Variants in PRPF40B observed in about 807,000 individuals in gnomAD.
PRPF40B encodes the protein pre-mRNA-processing factor 40 homolog B.
In PRPF40B, 56 loss-of-function variants were observed where a neutral mutation model predicts 124.5. The ratio of observed to expected loss-of-function variants is 0.45; its 90% CI spans 0.36 to 0.56. The LOEUF (loss-of-function observed/expected upper bound fraction) is 0.56, where lower values mean the gene tolerates loss of function less well. PRPF40B is among the 20% of genes least tolerant of loss of function. The pLI is 0.00. For synonymous variants in PRPF40B, 443 were observed against 426.4 expected, an observed-to-expected ratio of 1.04 and a Z score of -0.48; for missense variants, 1,053 against 1,169.5, an observed-to-expected ratio of 0.90 and a Z score of 1.45.
rs576925446 is a variant in PRPF40B at position 49,632,019 on chromosome 12, T to C, written c.294+94T>C. The C allele has an allele frequency of 1.3e-5, 17 of 1,262,368 alleles. No homozygotes were observed. In the African/African-American group the frequency reaches 2.3e-4, roughly 17 times the overall value. The allele number at this position is 1,262,368 out of a possible 1,614,324, so 78.2% of individuals were successfully genotyped here. ...GACTATGACCTCCATTCTTTCCCTC[T>C]TCTCATCGCATCCACCCAGGTCCCC... On this transcript the variant is annotated intron_variant, in intron 4 of 25. Transcript: ENST00000548825.
intron 15 of PRPF40B, 50 bp from the exon 16 acceptor site, chr12:49,636,666 G>C (rs775846220): frequency 6.2e-7 from 1 of 1,609,986 alleles, no homozygotes; most frequent in Non-Finnish European, 8.5e-7. Flanking sequence ...TGGGGTCTGA[G>C]AGGGTATCCT....
chr12:49,643,785 T>C, intron 24 of PRPF40B, 33 bp downstream of exon 24: 1 of 1,613,640 alleles, frequency 6.2e-7, no homozygotes, highest in Non-Finnish European at 8.5e-7. Flanking sequence ...AAGCCCCTGC[T>C]ATTTTGTGAG....
rs150651073 is a variant in PRPF40B at position 49,637,818 on chromosome 12, C to T, written c.1761C>T (p.Ile587=). Residue 587 remains isoleucine, a synonymous_variant, in exon 18 of 26, where the codon ATC becomes ATT. Transcript: ENST00000548825. ...ATGAAAAGAAGATCATTAAGGACAT[C>T]CTTAAGGTGAGGGAGGCTGGGGTTA... ...FHDEKKIIKD[I]LKDRGFCVEV... 5.6e-6 allele frequency: 9 copies of T among 1,606,020 alleles called. No homozygotes were observed. Among genetic ancestry groups the T allele is most frequent in the Non-Finnish European group, 6.0e-6 (7 of 1,173,214 alleles).
intron 25 of PRPF40B, 35 bp downstream of exon 25, chr12:49,644,039 T>C: frequency 1.2e-6 from 2 of 1,614,144 alleles, no homozygotes; most frequent in Non-Finnish European, 1.7e-6. Context: ...GTCAGCACGC[T>C]GGTCAAGCTT....
chr12:49,625,078 C>T (rs974263975), intron 1 of PRPF40B, among the ~76,000 whole-genome samples: 2 of 152,110 alleles, frequency 1.3e-5, no homozygotes, highest in Non-Finnish European at 2.9e-5. Context: ...AGAGATGTGC[C>T]TCCCAGCCTT....
chr12:49,625,018 T>C (rs535589025), intron 1 of PRPF40B, among the ~76,000 whole-genome samples: 1 of 152,116 alleles, frequency 6.6e-6, no homozygotes, highest in African/African-American at 2.4e-5. Flanking sequence ...GATCACAGGG[T>C]AACCAGCTGG....
chr12:49,628,190 G>A (rs1349140593), intron 1 of PRPF40B, among the ~76,000 whole-genome samples: 1 of 152,222 alleles, frequency 6.6e-6, no homozygotes, highest in African/African-American at 2.4e-5. Context: ...TAGAAAAGAT[G>A]AGTCACATTG....
chr12:49,634,750 T>G, intron 12 of PRPF40B, 148 bp downstream of exon 12: 1 of 894,952 alleles, frequency 1.1e-6, no homozygotes, highest in African/African-American at 1.7e-5. Context: ...GAAGAAAAGC[T>G]GGAGGGCCTC....
chr12:49,631,511 T>C lies in PRPF40B; in HGVS notation c.195T>C (p.Leu65=). Residue 65 remains leucine (L), a synonymous_variant, in exon 3 of 26, where the codon CTT becomes CTC. Transcript: ENST00000548825. This position sits in a 1 kb window ranked among gnomAD's most constrained non-coding sequence, Gnocchi z 4.3. ...CACCTGGCATCCTGCCCCCAATGCT[T>C]CCACCAATGGGGGCGCCACCACCAC... The part of the protein sequence containing the change: ...PMPPGILPPM[L]PPMGAPPPLT... 1.9e-6 allele frequency: 3 copies of C among 1,548,272 alleles called. No homozygotes were observed. In the African/African-American group the frequency reaches 4.2e-5, roughly 22 times the overall value.
chr12:49,643,915 G>A lies in PRPF40B; in HGVS notation c.2497G>A (p.Glu833Lys). 2 of 1,614,202 alleles carry A rather than the reference G, an allele frequency of 1.2e-6. No individual in the cohort carries two copies. The highest frequency in any genetic ancestry group is 1.1e-5 in the South Asian group (1 of 91,076). Residue 833 changes from glutamate (E) to lysine (K), a missense_variant, in exon 25 of 26, where the codon GAG becomes AAG. Coordinates refer to ENST00000548825, the MANE Select transcript of PRPF40B (RefSeq NM_001031698.3). ...GGAGAAAGCTGGCAAGGAGAGCGAT[G>A]AGAAAGAACAAGAACAGGACAAGGA... ...PEEKAGKESD[E>K]KEQEQDKDRE...
In PRPF40B at chr12:49,631,942, A is replaced by C; in HGVS notation, c.294+17A>C. On this transcript the variant is annotated intron_variant, in intron 4 of 25. Transcript: ENST00000548825. This position sits in a 1 kb window ranked among gnomAD's most constrained non-coding sequence, Gnocchi z 4.3. ...ACCGCAGCGGTAAGCACTAGGGGCC[A>C]GCAGGTAGCAGGCTCTGCCCTGCAG... is the stretch of plus-strand genomic sequence containing the variant. The C allele has an allele frequency of 6.2e-7, 1 of 1,612,198 alleles. No homozygotes were observed. Among genetic ancestry groups the C allele is most frequent in the Non-Finnish European group, 8.5e-7 (1 of 1,178,260 alleles).
At position 49,631,933 on chromosome 12, in the gene PRPF40B, C is replaced by CT; in HGVS notation, c.294+9dup. ...GTGCCTGTCACCGCAGCGGTAAGCA[C>CT]TAGGGGCCAGCAGGTAGCAGGCTCT... is the stretch of plus-strand genomic sequence containing the variant. On this transcript the variant is annotated intron_variant, in intron 4 of 25. Transcript: ENST00000548825. The surrounding 1 kb of genome is among the most constrained non-coding windows in gnomAD (Gnocchi z 4.3). 3 of 1,613,852 alleles carry CT rather than the reference C, an allele frequency of 1.9e-6. No homozygotes were observed. The highest frequency in any genetic ancestry group is 2.5e-6 in the Non-Finnish European group (3 of 1,179,736).
rs779145605 is a variant in PRPF40B, at chr12:49,642,638, G to A, written c.2081G>A (p.Arg694Gln). 10 of 1,614,068 alleles carry A rather than the reference G, an allele frequency of 6.2e-6. No homozygotes were observed. The highest frequency in any genetic ancestry group is 2.2e-5 in the South Asian group (2 of 91,070). Residue 694 changes from arginine to glutamine, a missense_variant, in exon 21 of 26, where the codon CGG becomes CAG. Around this residue, in one of 2 missense-constraint regions of PRPF40B, gnomAD observed 895 missense variants for 1,052.2 expected, o/e 0.85. Transcript: ENST00000548825. The surrounding 1 kb of genome is among the most constrained non-coding windows in gnomAD (Gnocchi z 5.8). ...GAGCAGATCACCCTGGAGTCGGAGCGGATCCGGCTCTTCCGGGAGTTCCTA... is the reference window on the plus strand; with the variant it reads ...GAGCAGATCACCCTGGAGTCGGAGCAGATCCGGCTCTTCCGGGAGTTCCTA... ...AFEQITLESE[R>Q]IRLFREFLQV...
chr12:49,643,400 A>G lies in PRPF40B; in HGVS notation c.2380+3A>G. 1.3e-6 allele frequency: 2 copies of G among 1,552,292 alleles called. No individual in the cohort carries two copies. The highest frequency in any genetic ancestry group is 1.7e-6 in the Non-Finnish European group (2 of 1,151,762). Reference sequence around the variant, plus strand: ...TTCCTCCCATCTTCTTGGAGCAGGTAAGCAGTTGCTGTGAGCGTAGAAGCT... The same window carrying G: ...TTCCTCCCATCTTCTTGGAGCAGGTGAGCAGTTGCTGTGAGCGTAGAAGCT... On this transcript the variant is annotated splice_donor_region_variant and intron_variant, in intron 23 of 25. Coordinates refer to ENST00000548825, the MANE Select transcript of PRPF40B (RefSeq NM_001031698.3).
upstream of PRPF40B, chr12:49,623,520 C>T (rs1940386674): frequency 5.6e-6 from 7 of 1,238,944 alleles, no homozygotes; most frequent in Non-Finnish European, 7.1e-6. Flanking sequence ...CTCCCGGCTG[C>T]GGCCTGGCCA....
chr12:49,636,947 T>A (rs1413598598), intron 16 of PRPF40B, 98 bp downstream of exon 16: 2 of 1,560,612 alleles, frequency 1.3e-6, no homozygotes, highest in African/African-American at 2.7e-5. Flanking sequence ...CTGCCTGTTC[T>A]TTCTGTGCCT....
In PRPF40B at chr12:49,644,011, G is replaced by A. The variant is rs1366301901; in HGVS notation, c.2586+7G>A. 2 of 1,614,148 alleles carry A rather than the reference G, an allele frequency of 1.2e-6. No homozygotes were observed. The highest frequency in any genetic ancestry group is 1.1e-5 in the South Asian group (1 of 91,078). The stretch of plus-strand genomic sequence containing the variant: ...TGGAATCAAGAAGGAGAAGGTGAGG[G>A]GCAGGGGCCCTAGGCCAGTCAGCAC... On this transcript the variant is annotated splice_region_variant and intron_variant, in intron 25 of 25. Coordinates refer to ENST00000548825, the MANE Select transcript of PRPF40B (RefSeq NM_001031698.3).
intron 1 of PRPF40B, among the ~76,000 whole-genome samples, chr12:49,625,716 T>G (rs1940650097): frequency 6.6e-6 from 1 of 152,194 alleles, no homozygotes; most frequent in Non-Finnish European, 1.5e-5. Context: ...CAAATGTGTT[T>G]TTGTTCCAGG....
At chr12:49,634,739 G>A (rs1941587364) in intron 12 of PRPF40B, 137 bp downstream of exon 12, 7 of 1,084,860 alleles carry the variant, frequency 6.5e-6, no homozygotes, top group South Asian at 3.1e-5. Context: ...GGGTGCAAGG[G>A]GAAGAAAAGC....
Sources: allele counts gnomAD v4.1 joint callset (sites outside exome capture counted in the v4.1 genomes callset), GRCh38; gene constraint gnomAD v4.1.1; regional missense constraint gnomAD v4.1.1; non-coding constraint Gnocchi (gnomAD v3.1); transcripts MANE v1.5; gene names NCBI Gene and HGNC (gene_info 2026-07-23, HGNC 2026-07-21).